The following NENF variants were observed in gnomAD, a reference collection of about 807,000 sequenced individuals.
NENF encodes neudesin neurotrophic factor.
In NENF, 6 loss-of-function variants were observed where a neutral mutation model predicts 14.8. The observed-to-expected ratio is 0.40, with a 90% CI of 0.22 to 0.80. The LOEUF is 0.80. Ranked by LOEUF, NENF falls within the 30% of genes least tolerant of loss-of-function variation. The pLI is 0.34. For synonymous variants in NENF, 76 were observed against 95.1 expected (o/e 0.80, Z 1.17); for missense variants, 184 against 212.7 (o/e 0.87, Z 0.84).
chr1:212,436,008 C>T (rs1283699263), intron 1 of NENF, among the ~76,000 whole-genome samples: 1 of 152,060 alleles, frequency 6.6e-6, no homozygotes, highest in African/African-American at 2.4e-5. Flanking sequence ...AATATATTTA[C>T]TATTAAGTGA....
At chr1:212,442,032 GAC>G (rs1662706220) in intron 1 of NENF, among the ~76,000 whole-genome samples, 1 of 151,816 alleles carries the variant, frequency 6.6e-6, no homozygotes, top group Non-Finnish European at 1.5e-5. Flanking sequence ...TTTTTTTTGA[GAC>G]GGAGTCTCAC....
chr1:212,442,107 G>A (rs909977596), intron 1 of NENF, among the ~76,000 whole-genome samples: 5 of 152,184 alleles, frequency 3.3e-5, no homozygotes, highest in Admixed American at 6.5e-5. Context: ...TGCCTCCAGG[G>A]TTCAAGCAAT....
intron 1 of NENF, chr1:212,434,677 T>C (rs1230709494): frequency 6.6e-6 from 1 of 152,230 alleles, no homozygotes; most frequent in East Asian, 1.9e-4. Flanking sequence ...TAGAACTATA[T>C]GCTGGGTTCT....
At chr1:212,438,026 T>A (rs764839304) in intron 1 of NENF, among the ~76,000 whole-genome samples, 5 of 152,144 alleles carry the variant, frequency 3.3e-5, no homozygotes, top group African/African-American at 9.7e-5. Flanking sequence ...AGCATCTCCT[T>A]GGTGCTTCTT....
chr1:212,437,471 G>GT (rs1662627448), intron 1 of NENF, among the ~76,000 whole-genome samples: 1 of 151,960 alleles, frequency 6.6e-6, no homozygotes, highest in African/African-American at 2.4e-5. Context: ...GTGGACCTGT[G>GT]TAACAAGGCT....
At chr1:212,440,986 T>G (rs508432) in intron 1 of NENF, among the ~76,000 whole-genome samples, 66,811 of 152,018 alleles carry the variant, frequency 0.44, 15,334 homozygotes, top group East Asian at 0.68. Context: ...GGAGAGATCT[T>G]GTCTTGGGTG....
chr1:212,436,924 CAAAAA>C (rs35648109), intron 1 of NENF, among the ~76,000 whole-genome samples: 2 of 81,858 alleles, frequency 2.4e-5, no homozygotes, highest in Admixed American at 1.3e-4. Flanking sequence ...TCACCTCTAC[CAAAAA>C]AAAAAAAAAA....
chr1:212,435,320 A>C (rs1361100456), intron 1 of NENF, among the ~76,000 whole-genome samples: 1 of 152,188 alleles, frequency 6.6e-6, no homozygotes, highest in East Asian at 1.9e-4. Context: ...ACTGACCCCC[A>C]TGCAGTCAAA....
At position 212,433,134 on chromosome 1, in the gene NENF, T is replaced by C; in HGVS notation, c.177+14T>C. The C allele has an allele frequency of 1.7e-6, 2 of 1,176,124 alleles. No homozygotes were observed. The highest frequency in any genetic ancestry group is 2.1e-6 in the Non-Finnish European group (2 of 951,318). 72.9% of individuals were successfully genotyped at this position (1,176,124 alleles called of 1,614,324 possible). ...GGCGGGGAGGAGGTAGGCGGGGGTG[T>C]CGCGGGCCGAGGGACCCGGGGTGGC... On this transcript the variant is annotated intron_variant, in intron 1 of 3. Coordinates refer to ENST00000366988, the MANE Select transcript of NENF (RefSeq NM_013349.5). The surrounding 1 kb of genome is among the most constrained non-coding windows in gnomAD (Gnocchi z 5.5).
intron 1 of NENF, among the ~76,000 whole-genome samples, chr1:212,435,210 C>G (rs573981513): frequency 2.0e-5 from 3 of 152,154 alleles, no homozygotes; most frequent in East Asian, 3.8e-4. Context: ...CCACTTTGTT[C>G]GTAAGATACT....
At chr1:212,443,770 A>G (rs1456277741) in intron 2 of NENF, among the ~76,000 whole-genome samples, 2 of 152,096 alleles carry the variant, frequency 1.3e-5, no homozygotes, top group African/African-American at 4.8e-5. Context: ...GGGGCTAGGC[A>G]CAGTGGCTTA....
chr1:212,435,970 GTT>G, intron 1 of NENF, among the ~76,000 whole-genome samples: 1 of 152,246 alleles, frequency 6.6e-6, no homozygotes, highest in Admixed American at 6.5e-5. Flanking sequence ...AAAAGAAAGT[GTT>G]ACTAAGAAAA....
chr1:212,445,853 G>A lies in NENF; in HGVS notation c.366G>A (p.Leu122=). The change falls in exon 4 of 4, where the codon CTG becomes CTA. Residue 122 remains leucine, a synonymous_variant. Coordinates refer to ENST00000366988, the MANE Select transcript of NENF (RefSeq NM_013349.5). The stretch of plus-strand genomic sequence containing the variant: ...AGACGGGTCTCACGGCCAAGGAACT[G>A]GAGGCCCTGGATGAGGTCTTCACCA... ...HDTTGLTAKE[L]EALDEVFTKV... 6.2e-7 allele frequency: 1 copy of A among 1,614,192 alleles called. No homozygotes were observed. Among genetic ancestry groups the A allele is most frequent in the Admixed American group, 1.7e-5 (1 of 60,024 alleles).
chr1:212,438,617 ATT>A (rs757959823), intron 1 of NENF, among the ~76,000 whole-genome samples: 18 of 124,854 alleles, frequency 1.4e-4, no homozygotes, highest in South Asian at 5.1e-4. Flanking sequence ...GTGTGTCTGT[ATT>A]TTTTTTTTTT....
intron 2 of NENF, 27 bp from the exon 3 acceptor site, chr1:212,444,312 A>T (rs755824400): frequency 7.9e-6 from 12 of 1,511,472 alleles, no homozygotes; most frequent in Non-Finnish European, 9.9e-6. Context: ...ACCCACGCTT[A>T]CGTCTCTTCC....
At chr1:212,439,772 A>G (rs1305655980) in intron 1 of NENF, among the ~76,000 whole-genome samples, 1 of 151,624 alleles carries the variant, frequency 6.6e-6, no homozygotes, top group African/African-American at 2.4e-5. Flanking sequence ...AGGCAGGAGA[A>G]TAGCTTGAAC....
chr1:212,445,952 C>T lies in NENF; in HGVS notation c.465C>T (p.Asn155=). Residue 155 remains asparagine (N), a synonymous_variant, in exon 4 of 4, where the codon AAC becomes AAT. Transcript: ENST00000366988. ...RRILNEDGSP[N]LDFKPEDQPH... ...TTCTCAATGAGGATGGCAGCCCTAA[C>T]CTGGACTTCAAGCCTGAAGACCAGC... The T allele has an allele frequency of 6.2e-7, 1 of 1,614,194 alleles. No individual in the cohort carries two copies. Among genetic ancestry groups the T allele is most frequent in the East Asian group, 2.2e-5 (1 of 44,876 alleles).
intron 2 of NENF, 66 bp downstream of exon 2, chr1:212,442,691 G>A: frequency 8.8e-7 from 1 of 1,132,118 alleles, no homozygotes; most frequent in Non-Finnish European, 1.3e-6. Flanking sequence ...AGCAGCACTT[G>A]GAGGTGTGAG....
Position 212,432,959 on chromosome 1 carries a change from CCGCGGCG to C in NENF, c.17_23del (p.Pro6ArgfsTer61). 1 of 970,166 alleles carries C rather than the reference CCGCGGCG, an allele frequency of 1.0e-6. No homozygotes were observed. Among genetic ancestry groups the C allele is most frequent in the Non-Finnish European group, 1.3e-6 (1 of 788,888 alleles). The allele number at this position is 970,166 out of a possible 1,614,324, so 60.1% of individuals were successfully genotyped here. A position where few individuals can be genotyped will look rare whatever the true frequency, so the allele number is the denominator to read the frequency against. ...CGCGCTCACCATGGTGGGCCCCGCG[CCGCGGCG>C]GCGGCTGCGGCCGCTGGCAGCGCTG... On this transcript the variant is annotated frameshift_variant, in exon 1 of 4. Coordinates refer to ENST00000366988, the MANE Select transcript of NENF (RefSeq NM_013349.5). LOFTEE classifies it high-confidence loss of function.
Sources: allele counts gnomAD v4.1 joint callset (sites outside exome capture counted in the v4.1 genomes callset), GRCh38; gene constraint gnomAD v4.1.1; non-coding constraint Gnocchi (gnomAD v3.1); transcripts MANE v1.5; gene names NCBI Gene and HGNC (gene_info 2026-07-23, HGNC 2026-07-21).